Variants in DPP10 observed in about 807,000 individuals in gnomAD.
DPP10 encodes the protein inactive dipeptidyl peptidase 10.
A neutral mutation model predicts 120.9 loss-of-function variants in DPP10; 33 were observed. That is an observed-to-expected ratio of 0.27 (90% CI 0.21 to 0.37). The LOEUF is 0.37. Ranked by LOEUF, DPP10 falls within the 10% of genes least tolerant of loss-of-function variation. The pLI, the probability that DPP10 is intolerant of heterozygous loss-of-function variation, is 1.00. For synonymous variants in DPP10, 337 were observed against 326.1 expected, an observed-to-expected ratio of 1.03 and a Z score of -0.36; for missense variants, 816 against 942.8, an observed-to-expected ratio of 0.87 and a Z score of 1.76.
At chr2:115,049,125 A>G (rs1348577974) in intron 1 of DPP10, among the ~76,000 whole-genome samples, 2 of 152,126 alleles carry the variant, frequency 1.3e-5, no homozygotes, top group Non-Finnish European at 2.9e-5. Flanking sequence ...ATGAGAAATG[A>G]AATTTATAGA....
At chr2:115,836,382 C>T (rs1689530797) in intron 22 of DPP10, 125 bp from the exon 23 acceptor site, 2 of 1,392,016 alleles carry the variant, frequency 1.4e-6, no homozygotes, top group Admixed American at 2.0e-5. Flanking sequence ...AGCTGTTTAT[C>T]TCCTCCTTGA....
chr2:115,403,381 CTTTTTTTTTTTTTTTTTTTTTTTTTTTTT>C (rs78116780), intron 3 of DPP10, among the ~76,000 whole-genome samples: 72,116 of 120,342 alleles, frequency 0.6, 18,841 homozygotes, highest in Middle Eastern at 0.64. Flanking sequence ...TTCTTTCCTT[CTTTTTTTTTTTTTTTTTTTTTTTTTTTTT>C]TTTTTTTGAT....
In DPP10 at chr2:115,737,744, C is replaced by A. The variant is rs189163913; in HGVS notation, c.698-1995C>A. Among the ~76,000 whole-genome samples the A allele has an allele frequency of 7.2e-5, 11 of 152,266 alleles. No homozygotes were observed. The East Asian group carries it at 2.1e-3, about 29-fold the overall frequency. The stretch of plus-strand genomic sequence containing the variant: ...ATGTCAATGCGGCTTGTGTTGTTTT[C>A]AAAGTCCAAAGAATTCAATTCCTCT... On this transcript the variant is annotated intron_variant, in intron 8 of 25. Coordinates refer to ENST00000410059, the MANE Select transcript of DPP10 (RefSeq NM_020868.6).
At chr2:114,702,506 G>A (rs758734403) in intron 1 of DPP10, among the ~76,000 whole-genome samples, 13 of 151,952 alleles carry the variant, frequency 8.6e-5, no homozygotes, top group Non-Finnish European at 1.6e-4. Context: ...TATCAGAGTG[G>A]CATTATATAA....
At chr2:114,889,314 T>C (rs1692342382) in intron 1 of DPP10, among the ~76,000 whole-genome samples, 1 of 152,182 alleles carries the variant, frequency 6.6e-6, no homozygotes, top group Non-Finnish European at 1.5e-5. Flanking sequence ...TATTATCTTA[T>C]TCCAAAATTT....
In DPP10 at chr2:115,293,712, AT is replaced by A. The variant is rs548848724; in HGVS notation, c.61-15518del. Among the ~76,000 whole-genome samples, 18 of 151,096 alleles carry A rather than the reference AT, an allele frequency of 1.2e-4. No individual in the cohort carries two copies. The South Asian group carries it at 2.1e-3, about 18-fold the overall frequency. ...CAGGCAGTATGGGTATTACGAAATG[AT>A]TTTTTTTTAATGGAAGAGAATGATG... On this transcript the variant is annotated intron_variant, in intron 1 of 25. Transcript: ENST00000410059.
At chr2:114,724,467 A>C (rs1701911809) in intron 1 of DPP10, among the ~76,000 whole-genome samples, 1 of 152,230 alleles carries the variant, frequency 6.6e-6, no homozygotes, top group Non-Finnish European at 1.5e-5. Flanking sequence ...CTTTCTCTTC[A>C]AAGAGGTAAA....
intron 5 of DPP10, among the ~76,000 whole-genome samples, chr2:115,555,247 G>A (rs897919387): frequency 6.6e-6 from 1 of 151,866 alleles, no homozygotes; most frequent in African/African-American, 2.4e-5. Flanking sequence ...ATGTGTAGAG[G>A]AGGAAAAACT....
intron 3 of DPP10, among the ~76,000 whole-genome samples, chr2:115,362,253 G>A (rs1036669902): frequency 5.9e-5 from 9 of 152,168 alleles, no homozygotes; most frequent in South Asian, 4.1e-4. Context: ...AAATGGCTAA[G>A]ATTCTATATG....
chr2:115,085,640 T>C (rs905399808), intron 1 of DPP10, among the ~76,000 whole-genome samples: 5 of 152,146 alleles, frequency 3.3e-5, no homozygotes, highest in Non-Finnish European at 7.4e-5. Flanking sequence ...TTAGGAAATC[T>C]CAAAGTTTCC....
chr2:115,596,746 A>G (rs1010415479), intron 5 of DPP10, among the ~76,000 whole-genome samples: 1 of 152,180 alleles, frequency 6.6e-6, no homozygotes, highest in East Asian at 1.9e-4. Context: ...ATGTGAGTAA[A>G]ATTCAGTTAA....
rs1484986384 is a variant in DPP10, at chr2:115,609,599, C to CA, written c.442-80080dup. On this transcript the variant is annotated intron_variant, in intron 5 of 25. Coordinates refer to ENST00000410059, the MANE Select transcript of DPP10 (RefSeq NM_020868.6). Reference sequence around the variant, plus strand: ...TACCTCTCTTCTCCCCCACCAAAAACAAAAAAAACAAAAAAACCCTGCTAA... The same window carrying CA: ...TACCTCTCTTCTCCCCCACCAAAAACAAAAAAAAACAAAAAAACCCTGCTAA... Among the ~76,000 whole-genome samples the CA allele has an allele frequency of 3.5e-4, 53 of 151,400 alleles. 1 individual carries two copies. In the South Asian group the frequency reaches 5.2e-3, roughly 15 times the overall value.
At position 114,768,237 on chromosome 2, in the gene DPP10, G is replaced by A. The variant is rs529778928; in HGVS notation, c.60+325399G>A. On this transcript the variant is annotated intron_variant, in intron 1 of 25. Transcript: ENST00000410059. ...ACATTTTCTGGTAGATAAAAGCAGA[G>A]ATTGTATCACAAAAGACTTCCACCA... Among the ~76,000 whole-genome samples, 4 of 151,404 alleles carry A rather than the reference G, an allele frequency of 2.6e-5. No individual in the cohort carries two copies. The South Asian group carries it at 6.2e-4, about 24-fold the overall frequency.
chr2:115,303,380 C>A, intron 1 of DPP10, among the ~76,000 whole-genome samples: 1 of 151,678 alleles, frequency 6.6e-6, no homozygotes, highest in Non-Finnish European at 1.5e-5. Context: ...TAAATGTTGT[C>A]AATTATTTTT....
At chr2:114,836,553 C>G (rs1381381382) in intron 1 of DPP10, among the ~76,000 whole-genome samples, 1 of 152,070 alleles carries the variant, frequency 6.6e-6, no homozygotes, top group African/African-American at 2.4e-5. Flanking sequence ...TAGAATATCA[C>G]TAGGAAAATG....
intron 3 of DPP10, among the ~76,000 whole-genome samples, chr2:115,473,647 G>C (rs911811845): frequency 3.3e-5 from 5 of 152,186 alleles, no homozygotes; most frequent in Non-Finnish European, 5.9e-5. Context: ...CTGCCATGGA[G>C]AATATGTAGG....
rs771501521 is a variant in DPP10, at chr2:114,832,512, C to T, written c.60+389674C>T. ...ATCGCACCACTCCACTCCAGCCTGG[C>T]GACAGAGCGAGACTCCGTCTCAAAA... On this transcript the variant is annotated intron_variant, in intron 1 of 25. Transcript: ENST00000410059. 2.1e-4 allele frequency among the ~76,000 whole-genome samples: 32 copies of T among 152,226 alleles called. No individual in the cohort carries two copies. The Middle Eastern group carries it at 0.014, about 65-fold the overall frequency.
chr2:114,618,592 T>C (rs1020806600), intron 1 of DPP10, among the ~76,000 whole-genome samples: 1 of 152,050 alleles, frequency 6.6e-6, no homozygotes, highest in African/African-American at 2.4e-5. Context: ...CTAAAAGTCT[T>C]GTATGCTAGC....
intron 7 of DPP10, among the ~76,000 whole-genome samples, chr2:115,692,060 C>A (rs930759440): frequency 2.0e-5 from 3 of 151,866 alleles, no homozygotes; most frequent in Admixed American, 2.0e-4. Flanking sequence ...TTTTTCTTTT[C>A]CATTTCAATT....
Sources: gnomAD v4.1 joint callset for allele counts (sites outside exome capture counted in the v4.1 genomes callset) on GRCh38, gnomAD v4.1.1 for gene constraint, MANE v1.5 for transcripts, NCBI Gene and HGNC (gene_info 2026-07-23, HGNC 2026-07-21) for gene names.